Variants in RRM1 observed in about 807,000 individuals in gnomAD.
The protein encoded by RRM1 is ribonucleoside-diphosphate reductase large subunit.
A neutral mutation model predicts 101.5 loss-of-function variants in RRM1; 19 were observed. That is an observed-to-expected ratio of 0.19 (90% CI 0.13 to 0.27). The LOEUF (loss-of-function observed/expected upper bound fraction) is 0.27, where lower values mean the gene tolerates loss of function less well. RRM1 is among the 10% of genes least tolerant of loss of function. RRM1 has a pLI of 1.00. For synonymous variants in RRM1, 298 were observed against 323.4 expected, an observed-to-expected ratio of 0.92 and a Z score of 0.84; for missense variants, 500 against 962.9, an observed-to-expected ratio of 0.52 and a Z score of 6.36.
chr11:4,137,417 C>T (rs2094613409), intron 18 of RRM1: 1 of 140,270 alleles, frequency 7.1e-6, no homozygotes, highest in Admixed American at 7.2e-5. Context: ...CCACCTCCCT[C>T]CCGGACGGGG....
In RRM1 at chr11:4,133,980, A is replaced by ATTTTTTTTTT. The variant is rs34715101; in HGVS notation, c.2001+337_2001+346dup. ...GTCTAGGAACAGGAACCAGACATCAATTTTTTTTTTTTTTTTTTTTTTTTG... is the reference window on the plus strand; with the variant it reads ...GTCTAGGAACAGGAACCAGACATCAATTTTTTTTTTTTTTTTTTTTTTTTTTTTTTTTTTG... On this transcript the variant is annotated intron_variant, in intron 17 of 18. Coordinates refer to ENST00000300738, the MANE Select transcript of RRM1 (RefSeq NM_001033.5). 1.5e-3 allele frequency among the ~76,000 whole-genome samples: 138 copies of ATTTTTTTTTT among 90,862 alleles called. 10 individuals carry two copies. The highest frequency in any genetic ancestry group is 5.1e-3 in the African/African-American group (113 of 22,212). 59.6% of individuals were successfully genotyped at this position (90,862 alleles called of 152,430 possible).
intron 15 of RRM1, among the ~76,000 whole-genome samples, 186 bp downstream of exon 15, chr11:4,129,336 A>G (rs1427317480): frequency 6.6e-6 from 1 of 152,154 alleles, no homozygotes; most frequent in East Asian, 1.9e-4. Flanking sequence ...AGTAACCTGG[A>G]AGTTGCTTGG....
Position 4,102,042 on chromosome 11 carries a change from G to C in RRM1, c.69G>C (p.Gln23His). 2 of 1,604,466 alleles carry C rather than the reference G, an allele frequency of 1.2e-6. No individual in the cohort carries two copies. Among genetic ancestry groups the C allele is most frequent in the Non-Finnish European group, 1.7e-6 (2 of 1,172,546 alleles). ...TTGACAAAATTACATCTCGAATCCA[G>C]AAGCTTTGTTATGGACTCAATATGG... Reference protein sequence around the residue: ...VMFDKITSRIQKLCYGLNMDF... With the variant: ...VMFDKITSRIHKLCYGLNMDF... Residue 23 changes from glutamine to histidine, a missense_variant, in exon 2 of 19, where the codon CAG becomes CAC. Coordinates refer to ENST00000300738, the MANE Select transcript of RRM1 (RefSeq NM_001033.5).
chr11:4,106,901 TA>T (rs2094559057), intron 3 of RRM1, among the ~76,000 whole-genome samples: 2 of 152,178 alleles, frequency 1.3e-5, no homozygotes, highest in African/African-American at 2.4e-5. Flanking sequence ...AAAATTTTTT[TA>T]TTTTTTTTGA....
chr11:4,130,066 T>TATA (rs1554976190), intron 15 of RRM1, among the ~76,000 whole-genome samples: 8,220 of 32,614 alleles, frequency 0.25, 1,618 homozygotes, highest in Non-Finnish European at 0.36. Flanking sequence ...TGTACTGTAT[T>TATA]TATATATATA....
intron 14 of RRM1, among the ~76,000 whole-genome samples, chr11:4,127,783 T>G (rs1214855669): frequency 6.6e-6 from 1 of 152,262 alleles, no homozygotes; most frequent in Non-Finnish European, 1.5e-5. Context: ...ATCTCTTATT[T>G]AGAACTAGTC....
intron 2 of RRM1, among the ~76,000 whole-genome samples, chr11:4,102,717 G>A (rs2094553298): frequency 6.6e-6 from 1 of 151,932 alleles, no homozygotes; most frequent in Non-Finnish European, 1.5e-5. Context: ...TTTAGGTAGG[G>A]ACTGGTTTAA....
chr11:4,098,399 C>T (rs185801011), intron 1 of RRM1, among the ~76,000 whole-genome samples: 7 of 142,086 alleles, frequency 4.9e-5, no homozygotes, highest in Non-Finnish European at 1.1e-4. Context: ...CCCTCTCCCC[C>T]TCCCTCCGTC....
chr11:4,124,154 C>T (rs2094586023), intron 12 of RRM1, among the ~76,000 whole-genome samples: 2 of 152,102 alleles, frequency 1.3e-5, no homozygotes, highest in African/African-American at 2.4e-5. Flanking sequence ...GAAGCTGACA[C>T]GTCACGGATA....
chr11:4,107,184 G>A (rs72555774), intron 3 of RRM1, among the ~76,000 whole-genome samples: 1,658 of 152,306 alleles, frequency 0.011, 33 homozygotes, highest in African/African-American at 0.037. Context: ...GAGCCACCGC[G>A]CCCGGCCCAG....
intron 7 of RRM1, among the ~76,000 whole-genome samples, chr11:4,117,017 T>C (rs1300386896): frequency 2.7e-5 from 4 of 150,514 alleles, no homozygotes; most frequent in Non-Finnish European, 3.0e-5. Context: ...AATAGAAACA[T>C]GGGCAAGGGC....
intron 18 of RRM1, among the ~76,000 whole-genome samples, chr11:4,135,843 TA>T (rs1378027400): frequency 6.6e-6 from 1 of 151,490 alleles, no homozygotes; most frequent in East Asian, 1.9e-4. Context: ...AGTAGAATTA[TA>T]AATTTGTTTT....
intron 5 of RRM1, among the ~76,000 whole-genome samples, chr11:4,110,072 G>A (rs1441290003): frequency 6.6e-6 from 1 of 152,064 alleles, no homozygotes; most frequent in Non-Finnish European, 1.5e-5. Flanking sequence ...TTTCTTATTA[G>A]CAAGTTATTT....
chr11:4,098,786 T>C (rs2094546965), intron 1 of RRM1, among the ~76,000 whole-genome samples: 1 of 152,142 alleles, frequency 6.6e-6, no homozygotes, highest in South Asian at 2.1e-4. Flanking sequence ...TAAGTGTATA[T>C]AAGAAATAAG....
At chr11:4,110,677 G>A (rs183659097) in intron 5 of RRM1, among the ~76,000 whole-genome samples, 79 of 150,822 alleles carry the variant, frequency 5.2e-4, no homozygotes, top group African/African-American at 1.9e-3. Flanking sequence ...GCTGAGGCAG[G>A]AGAACTGCTT....
intron 12 of RRM1, among the ~76,000 whole-genome samples, chr11:4,125,083 T>G (rs1362422278): frequency 6.6e-6 from 1 of 151,804 alleles, no homozygotes; most frequent in Non-Finnish European, 1.5e-5. Flanking sequence ...CCCAGCTAAT[T>G]TTTGTATTTT....
chr11:4,135,978 A>C (rs1006230146), intron 18 of RRM1, among the ~76,000 whole-genome samples: 4 of 151,636 alleles, frequency 2.6e-5, no homozygotes, highest in African/African-American at 9.7e-5. Flanking sequence ...CTAGCTCTCT[A>C]AACAGTTATA....
At chr11:4,095,521 G>T (rs1429305578) in intron 1 of RRM1, among the ~76,000 whole-genome samples, 3 of 152,286 alleles carry the variant, frequency 2.0e-5, no homozygotes, top group East Asian at 1.9e-4. Flanking sequence ...GAAGGAGGGG[G>T]CCTCTCTACC....
intron 1 of RRM1, among the ~76,000 whole-genome samples, chr11:4,101,315 ATT>A (rs111807668): frequency 1.5e-4 from 21 of 142,280 alleles, no homozygotes; most frequent in African/African-American, 2.8e-4. Context: ...GATTCTGTGG[ATT>A]TTTTTTTTTT....
Sources: allele counts gnomAD v4.1 joint callset (sites outside exome capture counted in the v4.1 genomes callset), GRCh38; gene constraint gnomAD v4.1.1; transcripts MANE v1.5; gene names NCBI Gene and HGNC (gene_info 2026-07-23, HGNC 2026-07-21).